COL6A2: variants seen among roughly 807,000 people sequenced by gnomAD.
COL6A2 encodes the protein collagen alpha-2(VI) chain.
In COL6A2, 90 loss-of-function variants were observed where a neutral mutation model predicts 124.9. That is an observed-to-expected ratio of 0.72 (90% CI 0.61 to 0.86). COL6A2 has a LOEUF of 0.86. COL6A2 is among the 40% of genes least tolerant of loss of function. The probability of loss-of-function intolerance (pLI) is 0.00; values close to 1 mark genes in which losing one functional copy is unlikely to be tolerated. For synonymous variants in COL6A2, 793 were observed against 618.2 expected (o/e 1.28, Z -4.19); for missense variants, 1,607 against 1,502.5 (o/e 1.07, Z -1.15).
intron 12 of COL6A2, 105 bp from the exon 13 acceptor site, chr21:46,118,509 A>G: frequency 9.6e-7 from 1 of 1,043,950 alleles, no homozygotes; most frequent in Non-Finnish European, 1.5e-6. Context: ...GACATCAGGG[A>G]GGTGCAGTCC....
At position 46,119,086 on chromosome 21, in the gene COL6A2, C is replaced by T. The variant is rs752255976; in HGVS notation, c.1236C>T (p.Gly412=). ...GTCCTGGTGTGAAAGGAGCCAAGGG[C>T]GGGCCTGGGCCCCGCGGACCCAAAG... The part of the protein sequence containing the change: ...PGSPGVKGAK[G]GPGPRGPKGE... Residue 412 remains glycine (G), a synonymous_variant, in exon 14 of 28, where the codon GGC becomes GGT. Transcript: ENST00000300527. 3.7e-6 allele frequency: 6 copies of T among 1,612,448 alleles called. No individual in the cohort carries two copies. The African/African-American group carries it at 5.3e-5, about 14-fold the overall frequency.
intron 13 of COL6A2, 126 bp downstream of exon 13, chr21:46,118,802 G>A (rs570589530): frequency 7.0e-5 from 86 of 1,220,362 alleles, no homozygotes; most frequent in African/African-American, 4.8e-4. Context: ...CTGGGGACAC[G>A]GGGAGGGACA....
intron 21 of COL6A2, among the ~76,000 whole-genome samples, chr21:46,123,169 TC>T (rs1169306985): frequency 2.2e-4 from 7 of 31,514 alleles, no homozygotes; most frequent in African/African-American, 1.0e-3. Context: ...CCCCACAGCA[TC>T]CCCCACAAGG....
chr21:46,125,023 G>T (rs2078638552), intron 23 of COL6A2, 103 bp downstream of exon 23: 1 of 1,421,274 alleles, frequency 7.0e-7, no homozygotes, highest in Non-Finnish European at 9.9e-7. Flanking sequence ...CAGAGAGCAA[G>T]ATCAGTGGAG....
chr21:46,104,561 A>G (rs374693962), intron 1 of COL6A2, among the ~76,000 whole-genome samples: 56 of 152,208 alleles, frequency 3.7e-4, no homozygotes, highest in African/African-American at 1.2e-3. Context: ...AAGCAAACCA[A>G]CATAAACATT....
At position 46,126,420 on chromosome 21, in the gene COL6A2, T is replaced by C. The variant is rs17272947; in HGVS notation, c.2423-83T>C. 0.081 allele frequency: 127,805 copies of C among 1,582,926 alleles called. 5,831 individuals are homozygous for C. Among genetic ancestry groups the C allele is most frequent in the Middle Eastern group, 0.11 (678 of 6,004 alleles). ...GCAGAGGCCAGCTGCACCCTGAGCC[T>C]GTCTAGGCAGATCAGTGAACGGCCG... On this transcript the variant is annotated intron_variant, in intron 26 of 27. Transcript: ENST00000300527.
Position 46,116,125 on chromosome 21 carries a change from C to A in COL6A2, c.900+72C>A. The A allele has an allele frequency of 1.4e-6, 2 of 1,479,190 alleles. No individual in the cohort carries two copies. The highest frequency in any genetic ancestry group is 1.8e-6 in the Non-Finnish European group (2 of 1,082,458). The allele number at this position is 1,479,190 out of a possible 1,614,324, so 91.6% of individuals were successfully genotyped here. ...ACTGCCAGGCAGGCTCCCCCCAGCC[C>A]AGCCTCGGCCTCAGCCTCTACGACC... On this transcript the variant is annotated intron_variant, in intron 7 of 27. Coordinates refer to ENST00000300527, the MANE Select transcript of COL6A2 (RefSeq NM_001849.4). The surrounding 1 kb of genome is among the most constrained non-coding windows in gnomAD (Gnocchi z 4.6).
chr21:46,124,936 G>C lies in COL6A2; in HGVS notation c.1770+16G>C. 6.2e-7 allele frequency: 1 copy of C among 1,612,844 alleles called. No homozygotes were observed. The highest frequency in any genetic ancestry group is 8.5e-7 in the Non-Finnish European group (1 of 1,179,956). On this transcript the variant is annotated intron_variant, in intron 23 of 27. Coordinates refer to ENST00000300527, the MANE Select transcript of COL6A2 (RefSeq NM_001849.4). The stretch of plus-strand genomic sequence containing the variant: ...CGGTCTCACGGTAGGTGTCACATGG[G>C]GCAGAACCAGTGTCCTTCTCCTGCC...
intron 1 of COL6A2, among the ~76,000 whole-genome samples, chr21:46,104,273 G>A (rs970518144): frequency 6.6e-6 from 1 of 152,072 alleles, no homozygotes; most frequent in African/African-American, 2.4e-5. Context: ...ATAACTAAGG[G>A]AAAATGTGGA....
chr21:46,118,812 A>G (rs936339760), intron 13 of COL6A2, 136 bp downstream of exon 13: 7 of 1,143,072 alleles, frequency 6.1e-6, no homozygotes, highest in Non-Finnish European at 9.0e-6. Context: ...GGGGAGGGAC[A>G]GGAAGAACAG....
chr21:46,120,427 C>T (rs1281958876), intron 15 of COL6A2, 88 bp from the exon 16 acceptor site: 31 of 1,118,772 alleles, frequency 2.8e-5, no homozygotes, highest in Non-Finnish European at 4.0e-5. Context: ...GCCCCCTTCC[C>T]CAACCCCCGG....
chr21:46,121,665 T>C (rs759067253), intron 18 of COL6A2, 47 bp downstream of exon 18: 1 of 1,596,168 alleles, frequency 6.3e-7, no homozygotes, highest in African/African-American at 1.3e-5. Flanking sequence ...TCGGGGCAGC[T>C]GCCTGAGGAG....
chr21:46,130,155 G>A (rs1771843393), intron 27 of COL6A2, among the ~76,000 whole-genome samples: 1 of 152,220 alleles, frequency 6.6e-6, no homozygotes, highest in Admixed American at 6.5e-5. Context: ...ACGTATCTGG[G>A]CTGGTGTCAT....
intron 10 of COL6A2, 23 bp from the exon 11 acceptor site, chr21:46,117,374 ACTC>A (rs2078488675): frequency 1.2e-6 from 2 of 1,610,136 alleles, no homozygotes; most frequent in South Asian, 2.2e-5. Flanking sequence ...CCGCCCTGAG[ACTC>A]CTCCTGCCCC....
rs1568925307 is a variant in COL6A2 at position 46,111,996 on chromosome 21, A to G, written c.133A>G (p.Ile45Val). 1 of 1,612,236 alleles carries G rather than the reference A, an allele frequency of 6.2e-7. No individual in the cohort carries two copies. The highest frequency in any genetic ancestry group is 8.5e-7 in the Non-Finnish European group (1 of 1,179,962). ...CCCCACAGAGAAGACCGACTGCCCC[A>G]TCCACGTGTACTTCGTGCTGGACAC... ...NNCPEKTDCP[I>V]HVYFVLDTSE... The change falls in exon 3 of 28, where the codon ATC becomes GTC. Residue 45 changes from isoleucine to valine, a missense_variant. By Grantham distance (29) the Ile-to-Val change is conservative. This residue lies in a region of COL6A2 where 342 missense variants were observed against 381.5 expected (regional missense o/e 0.90). Coordinates refer to ENST00000300527, the MANE Select transcript of COL6A2 (RefSeq NM_001849.4).
At chr21:46,107,070 T>A (rs989891782) in intron 1 of COL6A2, among the ~76,000 whole-genome samples, 2 of 152,184 alleles carry the variant, frequency 1.3e-5, no homozygotes, top group East Asian at 1.9e-4. Context: ...TTCTCAAAAA[T>A]TTTTTTGAGT....
At chr21:46,124,551 C>A in intron 21 of COL6A2, 100 bp from the exon 22 acceptor site, 1 of 1,104,780 alleles carries the variant, frequency 9.1e-7, no homozygotes, top group Non-Finnish European at 1.4e-6. Context: ...CCCCCCCCGC[C>A]AAGGGAGGAC....
chr21:46,119,675 A>T lies in COL6A2; in HGVS notation c.1270-113A>T, dbSNP rs2078529550. ...TGGGGATCGAGGTCCCAGGTCCCAA[A>T]GCCAGAGCCCTCCTGTAGAGAAGGA... is the stretch of plus-strand genomic sequence containing the variant. On this transcript the variant is annotated intron_variant, in intron 14 of 27. Transcript: ENST00000300527. The T allele has an allele frequency of 7.1e-6, 7 of 979,028 alleles. No homozygotes were observed. In the South Asian group the frequency reaches 1.0e-4, roughly 15 times the overall value. The allele number at this position is 979,028 out of a possible 1,614,324, so 60.6% of individuals were successfully genotyped here.
rs1414723654 is a variant in COL6A2 at position 46,124,975 on chromosome 21, A to C, written c.1770+55A>C. The stretch of plus-strand genomic sequence containing the variant: ...CCTTCTCCTGCCAAAACTAGACACC[A>C]AGAGCAGCAGGGGTGGGGGAAGGTC... On this transcript the variant is annotated intron_variant, in intron 23 of 27. Transcript: ENST00000300527. 13 of 1,603,468 alleles carry C rather than the reference A, an allele frequency of 8.1e-6. No homozygotes were observed. In the East Asian group the frequency reaches 2.7e-4, roughly 33 times the overall value.
Sources: allele counts gnomAD v4.1 joint callset (sites outside exome capture counted in the v4.1 genomes callset), GRCh38; gene constraint gnomAD v4.1.1; regional missense constraint gnomAD v4.1.1; non-coding constraint Gnocchi (gnomAD v3.1); transcripts MANE v1.5; gene names NCBI Gene and HGNC (gene_info 2026-07-23, HGNC 2026-07-21).